Variants in MARCHF8 observed in about 807,000 individuals in gnomAD.
MARCHF8 encodes the protein E3 ubiquitin-protein ligase MARCHF8.
In MARCHF8, 40 loss-of-function variants were observed where a neutral mutation model predicts 51.6. That is an observed-to-expected ratio of 0.77 (90% confidence interval 0.60 to 1.01). MARCHF8 has a LOEUF of 1.01. Ranked by LOEUF, MARCHF8 falls within the 50% of genes least tolerant of loss-of-function variation. MARCHF8 has a pLI of 0.00. For missense variants in MARCHF8, 685 were observed against 708.6 expected (o/e 0.97, Z 0.38); for synonymous variants, 263 against 280.3 (o/e 0.94, Z 0.62).
intron 1 of MARCHF8, among the ~76,000 whole-genome samples, chr10:45,563,437 G>A (rs1176204504): frequency 6.6e-6 from 1 of 152,162 alleles, no homozygotes; most frequent in Non-Finnish European, 1.5e-5. Context: ...TATGAGAGAT[G>A]ATAAAGTCTT....
intron 1 of MARCHF8, among the ~76,000 whole-genome samples, chr10:45,579,825 C>T (rs773073726): frequency 6.6e-6 from 1 of 151,816 alleles, no homozygotes; most frequent in Non-Finnish European, 1.5e-5. Flanking sequence ...ACCAGCCTGG[C>T]CAACATGGTG....
intron 2 of MARCHF8, among the ~76,000 whole-genome samples, chr10:45,497,306 C>T (rs1214449587): frequency 2.6e-5 from 4 of 152,048 alleles, no homozygotes; most frequent in Admixed American, 2.6e-4. Context: ...CCACAAAATA[C>T]ATAAAGCAAG....
chr10:45,502,178 T>G (rs1454515347), intron 2 of MARCHF8, among the ~76,000 whole-genome samples: 1 of 152,196 alleles, frequency 6.6e-6, no homozygotes, highest in Non-Finnish European at 1.5e-5. Context: ...TAGGTGTCTA[T>G]AGCAGCTTTG....
chr10:45,547,441 A>G (rs1487594273), intron 1 of MARCHF8, among the ~76,000 whole-genome samples: 3 of 152,130 alleles, frequency 2.0e-5, no homozygotes, highest in African/African-American at 7.2e-5. Flanking sequence ...TTGACCTTAC[A>G]GAAGGTGTCA....
Position 45,551,390 on chromosome 10 carries a change from A to C in MARCHF8, c.-78-18101T>G, listed in dbSNP as rs190035586. On this transcript the variant is annotated intron_variant, in intron 1 of 6. Coordinates refer to the MARCHF8 transcript ENST00000319836. ...CAACTGCCCCTGGTTTGAGTTCAAC[A>C]TTTTTTTTAGAGATGCAATTTTTTT... Among the ~76,000 whole-genome samples, 454 of 151,728 alleles carry C rather than the reference A, an allele frequency of 3.0e-3. 1 individual carries two copies. The highest frequency in any genetic ancestry group is 4.2e-3 in the Non-Finnish European group (284 of 67,866).
chr10:45,585,791 A>G (rs1324014514), intron 1 of MARCHF8, among the ~76,000 whole-genome samples: 7 of 152,170 alleles, frequency 4.6e-5, no homozygotes, highest in African/African-American at 1.7e-4. Flanking sequence ...AAACTTCTAC[A>G]TAACAAAAAA....
intron 1 of MARCHF8, chr10:45,593,728 A>G (rs1283608082): frequency 6.6e-6 from 1 of 152,262 alleles, no homozygotes; most frequent in Admixed American, 6.5e-5. Flanking sequence ...TCTTTATCAG[A>G]AATTTTGGGG....
chr10:45,586,993 G>C (rs2044625930), intron 1 of MARCHF8, among the ~76,000 whole-genome samples: 1 of 150,854 alleles, frequency 6.6e-6, no homozygotes, highest in Non-Finnish European at 1.5e-5. Context: ...GTTGTAGTTA[G>C]TGCTTTTTGT....
chr10:45,541,977 T>A (rs2044058281), intron 1 of MARCHF8, among the ~76,000 whole-genome samples: 1 of 152,190 alleles, frequency 6.6e-6, no homozygotes, highest in African/African-American at 2.4e-5. Flanking sequence ...AGTTCTAAAA[T>A]TCAGAAAACT....
intron 1 of MARCHF8, among the ~76,000 whole-genome samples, chr10:45,577,037 G>A (rs1416439103): frequency 2.6e-5 from 4 of 151,796 alleles, no homozygotes; most frequent in Non-Finnish European, 4.4e-5. Context: ...GACTTTATGA[G>A]GTGATTAAAT....
At chr10:45,531,209 A>G (rs531779391) in intron 2 of MARCHF8, among the ~76,000 whole-genome samples, 26 of 152,330 alleles carry the variant, frequency 1.7e-4, no homozygotes, top group Middle Eastern at 3.4e-3. Context: ...TATCTGAAGA[A>G]TAGCCAAAAA....
chr10:45,465,542 A>G (rs938680991), intron 3 of MARCHF8, among the ~76,000 whole-genome samples: 18 of 152,292 alleles, frequency 1.2e-4, no homozygotes, highest in African/African-American at 4.1e-4. Flanking sequence ...ACCAGAACAG[A>G]TAAGGCCATT....
At chr10:45,507,374 T>C (rs1368778369) in intron 2 of MARCHF8, among the ~76,000 whole-genome samples, 3 of 152,214 alleles carry the variant, frequency 2.0e-5, no homozygotes, top group African/African-American at 4.8e-5. Flanking sequence ...AGAGGATTAT[T>C]TGGCTCATGG....
rs569344095 is a variant in MARCHF8, at chr10:45,482,002, T to C, written c.153+7365A>G. ...ACAAAAATAAACATACAAAAGTTGA[T>C]AGTGTTTCTATACACCAATAATGAA... On this transcript the variant is annotated intron_variant, in intron 3 of 7. Coordinates refer to ENST00000453424, the MANE Select transcript of MARCHF8 (RefSeq NM_001282866.2). 1.1e-4 allele frequency among the ~76,000 whole-genome samples: 17 copies of C among 152,330 alleles called. No homozygotes were observed. The East Asian group carries it at 2.5e-3, about 22-fold the overall frequency.
rs79913947 is a variant in MARCHF8, at chr10:45,475,720, G to A, written c.154-11393C>T. 3.8e-3 allele frequency among the ~76,000 whole-genome samples: 574 copies of A among 152,044 alleles called. 11 individuals carry two copies. In the East Asian group the frequency reaches 0.052, roughly 14 times the overall value. ...AAGAATTCACCCACCCACCCAGTTC[G>A]CCACTGCCACTACCAGCGTTTGAGC... On this transcript the variant is annotated intron_variant, in intron 3 of 7. Transcript: ENST00000453424.
intron 1 of MARCHF8, among the ~76,000 whole-genome samples, chr10:45,574,515 G>A (rs2044467335): frequency 6.6e-6 from 1 of 152,048 alleles, no homozygotes; most frequent in African/African-American, 2.4e-5. Context: ...GCTTTCACTT[G>A]GACTGACCCT....
intron 3 of MARCHF8, among the ~76,000 whole-genome samples, chr10:45,480,488 T>A (rs1400690311): frequency 6.6e-6 from 1 of 151,342 alleles, no homozygotes; most frequent in East Asian, 1.9e-4. Flanking sequence ...GAAAAAAAAA[T>A]GGTTTCAAGG....
chr10:45,515,503 C>T (rs772061801), intron 2 of MARCHF8, among the ~76,000 whole-genome samples: 8 of 152,180 alleles, frequency 5.3e-5, no homozygotes, highest in Non-Finnish European at 1.2e-4. Flanking sequence ...TCACCTTCTT[C>T]TTTTCACCTA....
chr10:45,486,631 G>A (rs776855794), intron 3 of MARCHF8, among the ~76,000 whole-genome samples: 2 of 151,952 alleles, frequency 1.3e-5, no homozygotes, highest in Non-Finnish European at 2.9e-5. Context: ...AAATAATAAA[G>A]CTACCATTAA....
Sources: gnomAD v4.1 joint callset for allele counts (sites outside exome capture counted in the v4.1 genomes callset) on GRCh38, gnomAD v4.1.1 for gene constraint, MANE v1.5 for transcripts, NCBI Gene and HGNC (gene_info 2026-07-23, HGNC 2026-07-21) for gene names.